Variants in LRMDA observed in about 807,000 individuals in gnomAD.
LRMDA encodes the protein leucine-rich melanocyte differentiation-associated protein.
Under a neutral mutation model 29.8 loss-of-function variants are expected in LRMDA, and 18 were observed. That is an observed-to-expected ratio of 0.60 (90% CI 0.42 to 0.90). The LOEUF is 0.90. Among genes scored for constraint, LRMDA ranks in the 40% least tolerant of loss-of-function variants. The pLI, the probability that LRMDA is intolerant of heterozygous loss-of-function variation, is 0.00. For synonymous variants in LRMDA, 125 were observed against 109.4 expected (o/e 1.14, Z -0.89); for missense variants, 273 against 273.9 (o/e 1.00, Z 0.02).
chr10:75,585,353 G>A (rs1284331035), intron 2 of LRMDA, among the ~76,000 whole-genome samples: 1 of 152,214 alleles, frequency 6.6e-6, no homozygotes, highest in Non-Finnish European at 1.5e-5. Flanking sequence ...TTGCTATACA[G>A]TGTCCCATTG....
At chr10:75,724,207 G>A (rs546137202) in intron 2 of LRMDA, among the ~76,000 whole-genome samples, 7 of 152,140 alleles carry the variant, frequency 4.6e-5, no homozygotes, top group Non-Finnish European at 1.0e-4. Flanking sequence ...GAGTATAATC[G>A]TGCTGTGAGG....
chr10:76,101,501 C>A (rs2132102648), intron 5 of LRMDA, among the ~76,000 whole-genome samples: 1 of 152,224 alleles, frequency 6.6e-6, no homozygotes, highest in South Asian at 2.1e-4. Flanking sequence ...CTTTGGGAGG[C>A]CAAGGCAGGC....
chr10:76,414,289 A>G (rs1215985180), intron 6 of LRMDA, among the ~76,000 whole-genome samples: 1 of 152,246 alleles, frequency 6.6e-6, no homozygotes, highest in East Asian at 1.9e-4. Context: ...GAAAAATTAC[A>G]TACAAACTCT....
chr10:75,589,541 T>C (rs533973477), intron 2 of LRMDA, among the ~76,000 whole-genome samples: 1 of 152,140 alleles, frequency 6.6e-6, no homozygotes, highest in African/African-American at 2.4e-5. Context: ...CTGCTTAAGC[T>C]CAGGAGTTCA....
chr10:76,097,161 C>T (rs893072692), intron 5 of LRMDA, among the ~76,000 whole-genome samples: 25 of 152,236 alleles, frequency 1.6e-4, no homozygotes, highest in African/African-American at 5.5e-4. Context: ...CAGGCATGTG[C>T]CACCATGCCT....
intron 5 of LRMDA, among the ~76,000 whole-genome samples, chr10:76,223,669 A>AGT (rs34703799): frequency 0.22 from 33,467 of 151,892 alleles, 4,061 homozygotes; most frequent in East Asian, 0.56. Flanking sequence ...AGAAGTAGGC[A>AGT]GTGCAGCTCC....
At chr10:75,918,911 C>A (rs1845980239) in intron 2 of LRMDA, among the ~76,000 whole-genome samples, 1 of 152,158 alleles carries the variant, frequency 6.6e-6, no homozygotes, top group South Asian at 2.1e-4. Flanking sequence ...AAAGATGGAG[C>A]AGACAGTTCC....
chr10:76,265,832 T>C (rs542178125), intron 5 of LRMDA, among the ~76,000 whole-genome samples: 25 of 152,358 alleles, frequency 1.6e-4, no homozygotes, highest in African/African-American at 6.0e-4. Flanking sequence ...ACTAACATGT[T>C]ATTTCCATTT....
intron 2 of LRMDA, among the ~76,000 whole-genome samples, chr10:75,765,823 C>T (rs1455632866): frequency 6.6e-6 from 1 of 150,962 alleles, no homozygotes; most frequent in African/African-American, 2.4e-5. Flanking sequence ...TCTCCCTCTC[C>T]AGCCGCTGGG....
chr10:76,164,192 T>C (rs1415732457), intron 5 of LRMDA, among the ~76,000 whole-genome samples: 3 of 152,298 alleles, frequency 2.0e-5, no homozygotes, highest in Admixed American at 6.5e-5. Context: ...GTTTCCTGCA[T>C]AGGAGACTGA....
chr10:76,035,957 C>T, intron 2 of LRMDA, 51 bp from the exon 3 acceptor site: 1 of 1,587,768 alleles, frequency 6.3e-7, no homozygotes, highest in South Asian at 1.2e-5. Flanking sequence ...CTCATAATGG[C>T]CTCCCTGATT....
chr10:76,309,860 A>G (rs1486765091), intron 5 of LRMDA, among the ~76,000 whole-genome samples: 1 of 152,184 alleles, frequency 6.6e-6, no homozygotes, highest in East Asian at 1.9e-4. Flanking sequence ...TATCTGTTGT[A>G]TGTTTTACTT....
intron 5 of LRMDA, among the ~76,000 whole-genome samples, chr10:76,173,346 A>G (rs934143160): frequency 6.6e-6 from 1 of 152,224 alleles, no homozygotes; most frequent in Non-Finnish European, 1.5e-5. Context: ...ATAAAGGTAC[A>G]AACAGAAATC....
At chr10:75,598,595 A>G (rs1361813370) in intron 2 of LRMDA, among the ~76,000 whole-genome samples, 1 of 151,972 alleles carries the variant, frequency 6.6e-6, no homozygotes, top group Non-Finnish European at 1.5e-5. Context: ...AATCTGGTGA[A>G]TTTCTCCATT....
intron 2 of LRMDA, among the ~76,000 whole-genome samples, chr10:75,578,929 A>T (rs1169277570): frequency 1.3e-5 from 2 of 152,206 alleles, no homozygotes; most frequent in Non-Finnish European, 2.9e-5. Context: ...TGTAGAGGGA[A>T]ATTTATAGCA....
chr10:76,059,128 G>T (rs1326540449), intron 5 of LRMDA, among the ~76,000 whole-genome samples: 1 of 152,034 alleles, frequency 6.6e-6, no homozygotes, highest in African/African-American at 2.4e-5. Flanking sequence ...TTTGGGGTAG[G>T]GGGGATTCTT....
chr10:76,308,633 TC>T (rs1231580221), intron 5 of LRMDA, among the ~76,000 whole-genome samples: 1 of 152,000 alleles, frequency 6.6e-6, no homozygotes, highest in Non-Finnish European at 1.5e-5. Flanking sequence ...CTCACCAATC[TC>T]TCTCCTGCTC....
Position 76,304,088 on chromosome 10 carries a change from C to A in LRMDA, c.517-20313C>A, listed in dbSNP as rs1840518654. Among the ~76,000 whole-genome samples the A allele has an allele frequency of 2.6e-5, 4 of 152,132 alleles. No homozygotes were observed. In the South Asian group the frequency reaches 8.3e-4, roughly 32 times the overall value. The stretch of plus-strand genomic sequence containing the variant: ...CAGTGACTAATGGTGTGCGTACCTG[C>A]ACTCCTGGGGGCTTCATTTGGATTA... On this transcript the variant is annotated intron_variant, in intron 5 of 6. Transcript: ENST00000611255.
intron 6 of LRMDA, among the ~76,000 whole-genome samples, chr10:76,385,669 C>T (rs1183386784): frequency 6.6e-6 from 1 of 152,174 alleles, no homozygotes; most frequent in Admixed American, 6.5e-5. Context: ...TTTGGTCTTC[C>T]TTCTGTTGAA....
Sources: allele counts gnomAD v4.1 joint callset (sites outside exome capture counted in the v4.1 genomes callset), GRCh38; gene constraint gnomAD v4.1.1; transcripts MANE v1.5; gene names NCBI Gene and HGNC (gene_info 2026-07-23, HGNC 2026-07-21).